The following TRIM37 variants were observed in gnomAD, a reference collection of about 807,000 sequenced individuals.
TRIM37 encodes the protein tripartite motif containing 37.
In TRIM37, 80 loss-of-function variants were observed where a neutral mutation model predicts 129.8. That is an observed-to-expected ratio of 0.62 (90% CI 0.51 to 0.74). TRIM37 has a LOEUF of 0.74. TRIM37 is among the 30% of genes least tolerant of loss of function. The pLI is 0.00. For synonymous variants in TRIM37, 389 were observed against 387.1 expected (o/e 1.00, Z -0.06); for missense variants, 1,054 against 1,176.5 (o/e 0.90, Z 1.52).
chr17:58,980,990 A>G (rs751796342), downstream of TRIM37: 1 of 1,613,600 alleles, frequency 6.2e-7, no homozygotes, highest in South Asian at 1.1e-5. This position sits in a 1 kb window ranked among gnomAD's most constrained non-coding sequence, Gnocchi z 4.7. Context: ...GACTCATGAT[A>G]TTCCATGCCC....
At chr17:59,032,766 C>T (rs977245868) in intron 17 of TRIM37, among the ~76,000 whole-genome samples, 4 of 152,002 alleles carry the variant, frequency 2.6e-5, no homozygotes, top group African/African-American at 9.7e-5. Context: ...TAAAAGAAGA[C>T]AAATTCCCAT....
chr17:59,049,128 CTGTT>C, intron 15 of TRIM37, 46 bp downstream of exon 15: 1 of 1,454,904 alleles, frequency 6.9e-7, no homozygotes, highest in Non-Finnish European at 9.6e-7. Flanking sequence ...CATGATGCTA[CTGTT>C]TTTTTTTAAT....
intron 9 of TRIM37, among the ~76,000 whole-genome samples, chr17:59,065,806 G>A (rs1368249653): frequency 6.6e-6 from 1 of 152,164 alleles, no homozygotes; most frequent in Admixed American, 6.5e-5. Flanking sequence ...CACTATGATA[G>A]TGTCTAAAGA....
chr17:58,971,037 A>C, the TRIM37 span, among the ~76,000 whole-genome samples: 1 of 151,908 alleles, frequency 6.6e-6, no homozygotes, highest in African/African-American at 2.4e-5. Context: ...GGTGTCTCTC[A>C]GTTCTGCCAA....
intron 22 of TRIM37, among the ~76,000 whole-genome samples, chr17:59,007,631 C>A (rs2034711603): frequency 6.7e-6 from 1 of 148,664 alleles, no homozygotes; most frequent in South Asian, 2.1e-4. Context: ...TACAGTTGTG[C>A]AGGTCATCAA....
chr17:59,029,523 C>T (rs553725448), intron 18 of TRIM37, among the ~76,000 whole-genome samples: 50 of 152,256 alleles, frequency 3.3e-4, no homozygotes, highest in African/African-American at 1.1e-3. Context: ...TACTCCTTTA[C>T]ATGGTTAAGA....
intron 1 of TRIM37, chr17:59,104,643 A>G: frequency 1.6e-6 from 1 of 629,604 alleles, no homozygotes. Context: ...ACATGCAGAA[A>G]AATTTTCACT....
chr17:59,003,346 G>A (rs1228561946), intron 22 of TRIM37, among the ~76,000 whole-genome samples: 1 of 152,116 alleles, frequency 6.6e-6, no homozygotes, highest in Non-Finnish European at 1.5e-5. Context: ...TGGGATTTAA[G>A]GTTGAGGTTC....
intron 14 of TRIM37, among the ~76,000 whole-genome samples, chr17:59,050,754 C>A (rs1182086128): frequency 1.3e-5 from 2 of 152,056 alleles, no homozygotes; most frequent in African/African-American, 2.4e-5. Context: ...CCGAGGTGGG[C>A]AGATCACGAG....
chr17:59,071,616 A>G (rs1182797586), intron 8 of TRIM37, among the ~76,000 whole-genome samples: 2 of 152,088 alleles, frequency 1.3e-5, no homozygotes, highest in African/African-American at 4.8e-5. Context: ...AATTTCTCAG[A>G]TTGTATTCTA....
intron 20 of TRIM37, among the ~76,000 whole-genome samples, 199 bp downstream of exon 20, chr17:59,017,097 G>A (rs981903060): frequency 2.6e-5 from 4 of 152,022 alleles, no homozygotes; most frequent in African/African-American, 4.8e-5. Context: ...ACCACCGGTC[G>A]AGGCCACGGT....
At chr17:59,070,465 A>G (rs1303432187) in intron 9 of TRIM37, among the ~76,000 whole-genome samples, 1 of 152,188 alleles carries the variant, frequency 6.6e-6, no homozygotes, top group Non-Finnish European at 1.5e-5. Flanking sequence ...TTTCTAGTTC[A>G]TTGTCATTTT....
chr17:59,048,392 T>C (rs888218096), intron 15 of TRIM37, among the ~76,000 whole-genome samples: 2 of 152,100 alleles, frequency 1.3e-5, no homozygotes, highest in African/African-American at 4.8e-5. Flanking sequence ...AAGTCTCTCA[T>C]CTTAAAAATT....
chr17:58,973,628 TAA>T, the TRIM37 span, among the ~76,000 whole-genome samples: 3 of 150,444 alleles, frequency 2.0e-5, no homozygotes, highest in Non-Finnish European at 3.0e-5. Flanking sequence ...GGCAACATAG[TAA>T]GACTTCATCT....
At chr17:59,078,116 C>T (rs1193335247) in intron 7 of TRIM37, among the ~76,000 whole-genome samples, 4 of 151,966 alleles carry the variant, frequency 2.6e-5, no homozygotes. Context: ...CAGAGCGAGA[C>T]TCCATCTCAA....
chr17:58,973,381 C>A, the TRIM37 span, among the ~76,000 whole-genome samples: 1 of 148,988 alleles, frequency 6.7e-6, no homozygotes. Flanking sequence ...CGCGCCATTG[C>A]ACGCCAGCCT....
intron 11 of TRIM37, 44 bp from the exon 12 acceptor site, chr17:59,061,152 C>A (rs775255460): frequency 6.6e-7 from 1 of 1,507,068 alleles, no homozygotes; most frequent in Non-Finnish European, 9.2e-7. Context: ...AATTAAGCCA[C>A]AATAAAACAA....
chr17:58,998,240 A>G lies in TRIM37; in HGVS notation c.*1137T>C. On this transcript the variant is annotated 3_prime_UTR_variant, in exon 24 of 24. Transcript: ENST00000262294. The stretch of plus-strand genomic sequence containing the variant: ...ATTTTATTAACAAAAAGTGCAAACT[A>G]TTTTGAACAAAAGTAAACTATGAGT... 1.0e-6 allele frequency: 1 copy of G among 985,472 alleles called. No homozygotes were observed. The highest frequency in any genetic ancestry group is 1.2e-6 in the Non-Finnish European group (1 of 829,928). 61.0% of individuals were successfully genotyped at this position (985,472 alleles called of 1,614,324 possible).
chr17:58,974,788 C>T, the TRIM37 span, among the ~76,000 whole-genome samples: 2 of 152,222 alleles, frequency 1.3e-5, no homozygotes, highest in Admixed American at 1.3e-4. Context: ...TTAGCTTTCA[C>T]CACTGATTTG....
Sources: gnomAD v4.1 joint callset for allele counts (sites outside exome capture counted in the v4.1 genomes callset) on GRCh38, gnomAD v4.1.1 for gene constraint, Gnocchi (gnomAD v3.1) non-coding constraint, MANE v1.5 for transcripts, NCBI Gene and HGNC (gene_info 2026-07-23, HGNC 2026-07-21) for gene names.